The following TAB2 variants were observed in gnomAD, a reference collection of about 807,000 sequenced individuals.
TAB2 encodes the protein TGF-beta-activated kinase 1 and MAP3K7-binding protein 2.
In TAB2, 3 loss-of-function variants were observed where a neutral mutation model predicts 65.0. The ratio of observed to expected loss-of-function variants is 0.05; its 90% CI spans 0.02 to 0.12. The LOEUF (loss-of-function observed/expected upper bound fraction) is 0.12. TAB2 is among the 10% of genes least tolerant of loss of function. The pLI is 1.00. For missense variants in TAB2, 623 were observed against 840.3 expected (o/e 0.74, Z 3.20); for synonymous variants, 298 against 285.1 (o/e 1.05, Z -0.46).
chr6:149,219,060 T>C (rs776355237), intron 1 of TAB2, among the ~76,000 whole-genome samples: 1 of 152,218 alleles, frequency 6.6e-6, no homozygotes, highest in African/African-American at 2.4e-5. Flanking sequence ...CCCTCTTTCA[T>C]TGTCACTTAC....
At chr6:149,259,758 G>T (rs1435447533) in intron 1 of TAB2, among the ~76,000 whole-genome samples, 2 of 152,186 alleles carry the variant, frequency 1.3e-5, no homozygotes, top group Non-Finnish European at 2.9e-5. Flanking sequence ...CAGTCAAACT[G>T]CCACATTTTA....
At chr6:149,333,380 G>C (rs1779837956) in intron 1 of TAB2, among the ~76,000 whole-genome samples, 1 of 152,122 alleles carries the variant, frequency 6.6e-6, no homozygotes, top group Admixed American at 6.6e-5. Context: ...CTTTGGCCCA[G>C]ATTTCTTGTG....
At chr6:149,360,539 C>G (rs1007634093) in intron 1 of TAB2, among the ~76,000 whole-genome samples, 1 of 152,156 alleles carries the variant, frequency 6.6e-6, no homozygotes, top group Non-Finnish European at 1.5e-5. Flanking sequence ...ATGGTCCAGT[C>G]GCCTCCCACC....
At position 149,379,176 on chromosome 6, in the gene TAB2, A is replaced by G; in HGVS notation, c.1261A>G (p.Asn421Asp). The G allele has an allele frequency of 6.2e-7, 1 of 1,614,200 alleles. No individual in the cohort carries two copies. The highest frequency in any genetic ancestry group is 8.5e-7 in the Non-Finnish European group (1 of 1,180,044). The change falls in exon 3 of 7, where the codon AAC becomes GAC. Residue 421 changes from asparagine (N) to aspartate (D), a missense_variant. Transcript: ENST00000637181. ...TNSGASAASR[N>D]MSGQVSMGPA... ...CTCTGGAGCATCTGCTGCCTCCAGG[A>G]ACATGTCTGGGCAAGTGAGCATGGG...
At chr6:149,329,824 T>A (rs759935930) in intron 1 of TAB2, among the ~76,000 whole-genome samples, 1 of 152,168 alleles carries the variant, frequency 6.6e-6, no homozygotes, top group African/African-American at 2.4e-5. Context: ...ATTTGTATTT[T>A]CCCCCTCACT....
intron 1 of TAB2, among the ~76,000 whole-genome samples, chr6:149,273,196 A>C (rs1778396903): frequency 6.6e-6 from 1 of 152,096 alleles, no homozygotes; most frequent in African/African-American, 2.4e-5. Context: ...TTCAGCCCAA[A>C]ATGCCAAGGC....
intron 1 of TAB2, among the ~76,000 whole-genome samples, chr6:149,270,325 A>C (rs560652442): frequency 1.3e-5 from 2 of 152,230 alleles, no homozygotes; most frequent in African/African-American, 4.8e-5. Context: ...AGAGTTCTTT[A>C]CACTAGTTCT....
chr6:149,238,088 G>A (rs533492377), intron 1 of TAB2, among the ~76,000 whole-genome samples: 23 of 151,970 alleles, frequency 1.5e-4, no homozygotes, highest in African/African-American at 2.4e-4. Flanking sequence ...TCACTAATTC[G>A]TGAGCTTTTC....
chr6:149,325,135 G>T (rs1583089856), intron 1 of TAB2, among the ~76,000 whole-genome samples: 2 of 152,134 alleles, frequency 1.3e-5, no homozygotes, highest in Non-Finnish European at 2.9e-5. Flanking sequence ...TATAATAAAA[G>T]TTCTGGGCTT....
At position 149,242,759 on chromosome 6, in the gene TAB2, G is replaced by A. The variant is rs185620136; in HGVS notation, c.-121+23983G>A. 4.9e-3 allele frequency among the ~76,000 whole-genome samples: 750 copies of A among 152,232 alleles called. 5 individuals are homozygous for A. The highest frequency in any genetic ancestry group is 7.0e-3 in the Non-Finnish European group (475 of 68,002). ...AAGAGAATGTGACATAAGGATGGCC[G>A]CCCGTCTCTTCTCTATGGGGCAGTT... On this transcript the variant is annotated intron_variant, in intron 1 of 1. Coordinates refer to the TAB2 transcript ENST00000606202.
chr6:149,394,442 T>G (rs1358390499), intron 3 of TAB2, among the ~76,000 whole-genome samples: 1 of 152,186 alleles, frequency 6.6e-6, no homozygotes, highest in East Asian at 1.9e-4. Context: ...TGTTGATCAC[T>G]TTATCTCTTG....
Position 149,378,090 on chromosome 6 carries a change from G to A in TAB2, c.175G>A (p.Asp59Asn), listed in dbSNP as rs1195386798. Residue 59 changes from aspartate to asparagine, a missense_variant, in exon 3 of 7, where the codon GAC becomes AAC. This residue lies in a region of TAB2 where 550 missense variants were observed against 665.7 expected (regional missense o/e 0.83). Coordinates refer to ENST00000637181, the MANE Select transcript of TAB2 (RefSeq NM_001292034.3). ...TACAAGATATCTTTATGGTGAAGGA[G>A]ACTTGAATTTTTCAGATGATTCTGG... ...ESTRYLYGEG[D>N]LNFSDDSGIS... is the part of the protein sequence containing the mutation. 1 of 1,613,964 alleles carries A rather than the reference G, an allele frequency of 6.2e-7. No homozygotes were observed. Among genetic ancestry groups the A allele is most frequent in the Non-Finnish European group, 8.5e-7 (1 of 1,180,018 alleles).
chr6:149,250,780 C>T (rs13220051), intron 1 of TAB2, among the ~76,000 whole-genome samples: 31,263 of 152,070 alleles, frequency 0.21, 3,321 homozygotes, highest in East Asian at 0.27. Context: ...CTTTCCTTTC[C>T]TTTCCTTTGC....
At chr6:149,338,143 C>A (rs1779990976) in intron 1 of TAB2, among the ~76,000 whole-genome samples, 1 of 152,178 alleles carries the variant, frequency 6.6e-6, no homozygotes, top group South Asian at 2.1e-4. Flanking sequence ...CCAGCAAGGT[C>A]TGAGGTATCA....
chr6:149,297,394 T>C (rs1396985457), intron 1 of TAB2, among the ~76,000 whole-genome samples: 3 of 152,228 alleles, frequency 2.0e-5, no homozygotes, highest in African/African-American at 7.2e-5. Context: ...TTTGACAAGA[T>C]ACATACACAC....
At chr6:149,248,450 A>AG (rs1247420094) in intron 1 of TAB2, among the ~76,000 whole-genome samples, 1,930 of 145,116 alleles carry the variant, frequency 0.013, 77 homozygotes, top group African/African-American at 0.045. Context: ...GAAGGAAGGA[A>AG]GAAAAGAAGG....
At chr6:149,297,959 T>C (rs1003734034) in intron 1 of TAB2, among the ~76,000 whole-genome samples, 4 of 152,214 alleles carry the variant, frequency 2.6e-5, no homozygotes, top group Non-Finnish European at 4.4e-5. Flanking sequence ...CTAAAAAATA[T>C]TTGATTTTCT....
intron 1 of TAB2, among the ~76,000 whole-genome samples, chr6:149,369,065 GTCT>G (rs1253471867): frequency 6.6e-6 from 1 of 152,112 alleles, no homozygotes; most frequent in East Asian, 1.9e-4. Flanking sequence ...TAAAGAGATT[GTCT>G]TCTTATGAAA....
At chr6:149,253,991 A>G (rs1262073146) in intron 1 of TAB2, among the ~76,000 whole-genome samples, 2 of 148,976 alleles carry the variant, frequency 1.3e-5, no homozygotes, top group African/African-American at 2.5e-5. Context: ...AGAAAGAAAG[A>G]AAGAAAGAAA....
Sources: gnomAD v4.1 joint callset for allele counts (sites outside exome capture counted in the v4.1 genomes callset) on GRCh38, gnomAD v4.1.1 for gene constraint, gnomAD v4.1.1 regional missense constraint, MANE v1.5 for transcripts, NCBI Gene and HGNC (gene_info 2026-07-23, HGNC 2026-07-21) for gene names.